Variants in RNF24 observed in about 807,000 individuals in gnomAD.
RNF24 encodes the protein ring finger protein 24.
Under a neutral mutation model 20.0 loss-of-function variants are expected in RNF24, and 14 were observed. The observed-to-expected ratio is 0.70, with a 90% CI of 0.46 to 1.10. The LOEUF (loss-of-function observed/expected upper bound fraction) is 1.10. Among genes scored for constraint, RNF24 ranks in the 50% least tolerant of loss-of-function variants. The probability of loss-of-function intolerance (pLI) is 0.00; values close to 1 mark genes in which losing one functional copy is unlikely to be tolerated. For synonymous variants in RNF24, 45 were observed against 61.1 expected (o/e 0.74, Z 1.23); for missense variants, 124 against 177.6 (o/e 0.70, Z 1.71).
chr20:3,953,716 G>T (rs241647), intron 2 of RNF24, among the ~76,000 whole-genome samples: 46,745 of 149,390 alleles, frequency 0.31, 7,955 homozygotes, highest in African/African-American at 0.46. Context: ...TCTCTTTTTC[G>T]TATTAGATAT....
intron 4 of RNF24, among the ~76,000 whole-genome samples, chr20:3,938,089 T>C (rs1214027354): frequency 6.6e-6 from 1 of 152,238 alleles, no homozygotes; most frequent in Non-Finnish European, 1.5e-5. Flanking sequence ...TACGTATGGG[T>C]TGTAATTTCT....
At chr20:3,955,485 G>C (rs1000564674) in intron 2 of RNF24, among the ~76,000 whole-genome samples, 2 of 152,100 alleles carry the variant, frequency 1.3e-5, no homozygotes, top group Non-Finnish European at 2.9e-5. Context: ...TATTTTATTG[G>C]TTTATATGTC....
chr20:3,991,484 C>T lies in RNF24; in HGVS notation c.-8+23953G>A, dbSNP rs567640350. Among the ~76,000 whole-genome samples the T allele has an allele frequency of 2.9e-3, 445 of 152,228 alleles. 2 individuals are homozygous for T. Among genetic ancestry groups the T allele is most frequent in the Admixed American group, 6.2e-3 (95 of 15,286 alleles). ...AGCCAGGATGGTCTCGATCTCCTAA[C>T]CTCATGATCCGCCTGCCTAAGTCTC... On this transcript the variant is annotated intron_variant, in intron 1 of 5. Transcript: ENST00000358395.
At chr20:4,003,548 CCT>C (rs1261096439) in intron 1 of RNF24, among the ~76,000 whole-genome samples, 15 of 151,488 alleles carry the variant, frequency 9.9e-5, no homozygotes, top group African/African-American at 3.6e-4. Context: ...GTTATGGAAC[CCT>C]CTGAAAATCT....
chr20:3,972,510 C>A (rs983416726), intron 1 of RNF24, among the ~76,000 whole-genome samples: 1 of 152,086 alleles, frequency 6.6e-6, no homozygotes, highest in African/African-American at 2.4e-5. Flanking sequence ...AAGAAAATAT[C>A]CAAACACTTA....
intron 2 of RNF24, among the ~76,000 whole-genome samples, chr20:3,957,264 C>T (rs1027322739): frequency 1.3e-5 from 2 of 151,968 alleles, no homozygotes; most frequent in African/African-American, 2.4e-5. Flanking sequence ...TGCCACTGTA[C>T]TCTAGCCTGG....
At chr20:3,936,535 G>A (rs2090893227) in intron 4 of RNF24, among the ~76,000 whole-genome samples, 1 of 152,194 alleles carries the variant, frequency 6.6e-6, no homozygotes, top group South Asian at 2.1e-4. Context: ...TCTGAAGGGA[G>A]GCTGAGAACA....
At chr20:3,994,123 C>A (rs1404147147) in intron 1 of RNF24, among the ~76,000 whole-genome samples, 1 of 152,150 alleles carries the variant, frequency 6.6e-6, no homozygotes, top group Admixed American at 6.5e-5. Context: ...AATCAATGTT[C>A]ATTTTATTCT....
intron 1 of RNF24, among the ~76,000 whole-genome samples, chr20:3,980,133 G>T (rs1979257848): frequency 6.6e-6 from 1 of 152,134 alleles, no homozygotes; most frequent in Admixed American, 6.5e-5. Context: ...TTCTAGAATA[G>T]ATTTTATAGG....
At position 3,934,211 on chromosome 20, in the gene RNF24, G is replaced by C; in HGVS notation, c.309-10C>G. On this transcript the variant is annotated splice_polypyrimidine_tract_variant and intron_variant, in intron 5 of 5. Transcript: ENST00000358395. This position sits in a 1 kb window ranked among gnomAD's most constrained non-coding sequence, Gnocchi z 4.0. The stretch of plus-strand genomic sequence containing the variant: ...CCACTTAATAAGGCACCTGCAGAAG[G>C]AGACACCACAGGGGGAAGATGTCAG... 6.2e-7 allele frequency: 1 copy of C among 1,604,596 alleles called. No individual in the cohort carries two copies. The highest frequency in any genetic ancestry group is 8.5e-7 in the Non-Finnish European group (1 of 1,175,394).
At chr20:3,975,645 T>G (rs950389332) in intron 1 of RNF24, among the ~76,000 whole-genome samples, 2 of 152,196 alleles carry the variant, frequency 1.3e-5, no homozygotes, top group Non-Finnish European at 2.9e-5. Context: ...AAAATAGGTT[T>G]GTTGAAGATG....
At position 3,928,872 on chromosome 20, in the gene RNF24, A is replaced by G. The variant is rs1053177160; in HGVS notation, c.*5191T>C. ...TTCTTTTCTTGTGTGTTTTTTTGAGACGGAGTCTCGCTCTGTTGCCCAGGC... is the reference window on the plus strand; with the variant it reads ...TTCTTTTCTTGTGTGTTTTTTTGAGGCGGAGTCTCGCTCTGTTGCCCAGGC... On this transcript the variant is annotated 3_prime_UTR_variant, in exon 6 of 6. Transcript: ENST00000358395. 1 of 148,940 alleles carries G rather than the reference A, an allele frequency of 6.7e-6. No individual in the cohort carries two copies. Among genetic ancestry groups the G allele is most frequent in the Non-Finnish European group, 1.5e-5 (1 of 67,370 alleles). The allele number at this position is 148,940 out of a possible 1,614,324, so 9.2% of individuals were successfully genotyped here.
intron 1 of RNF24, among the ~76,000 whole-genome samples, chr20:3,982,660 G>A (rs1457042668): frequency 6.6e-6 from 1 of 152,002 alleles, no homozygotes; most frequent in African/African-American, 2.4e-5. Flanking sequence ...GCCAAGGTGG[G>A]AGGATCCCTT....
chr20:3,934,928 C>G lies in RNF24; in HGVS notation c.308+66G>C. The G allele has an allele frequency of 1.4e-6, 2 of 1,392,808 alleles. No individual in the cohort carries two copies. The highest frequency in any genetic ancestry group is 2.0e-6 in the Non-Finnish European group (2 of 981,146). 86.3% of individuals were successfully genotyped at this position (1,392,808 alleles called of 1,614,324 possible). Reference sequence around the variant, plus strand: ...AGCTTGTCTGGCACTGCCCTAAAACCCAAAAGAAGTTGGTTGATGTGCCTC... The same window carrying G: ...AGCTTGTCTGGCACTGCCCTAAAACGCAAAAGAAGTTGGTTGATGTGCCTC... On this transcript the variant is annotated intron_variant, in intron 5 of 5. Transcript: ENST00000358395. This position sits in a 1 kb window ranked among gnomAD's most constrained non-coding sequence, Gnocchi z 4.0.
chr20:4,007,936 C>T (rs1340566663), intron 1 of RNF24, among the ~76,000 whole-genome samples: 5 of 150,916 alleles, frequency 3.3e-5, no homozygotes, highest in East Asian at 1.9e-4. Flanking sequence ...AACACACCCC[C>T]GCCCCCCACA....
At chr20:3,994,322 G>T (rs960827644) in intron 1 of RNF24, among the ~76,000 whole-genome samples, 1 of 152,160 alleles carries the variant, frequency 6.6e-6, no homozygotes, top group Non-Finnish European at 1.5e-5. Context: ...TGTATCAGTT[G>T]TATTTGTGAC....
Position 3,935,005 on chromosome 20 carries a change from G to T in RNF24, c.297C>A (p.Ala99=), listed in dbSNP as rs2090872898. The T allele has an allele frequency of 6.2e-7, 1 of 1,613,648 alleles. No individual in the cohort carries two copies. The highest frequency in any genetic ancestry group is 8.5e-7 in the Non-Finnish European group (1 of 1,179,744). ...DELGICPCKH[A]FHRKCLIKWL... is the part of the protein sequence containing the mutation. ...ATACCAATACTTACTTTCTGTGGAAGGCGTGCTTACATGGGCAAATCCCCA... is the reference window on the plus strand; with the variant it reads ...ATACCAATACTTACTTTCTGTGGAATGCGTGCTTACATGGGCAAATCCCCA... Residue 99 remains alanine, a synonymous_variant, in exon 5 of 6, where the codon GCC becomes GCA. Coordinates refer to ENST00000358395, the MANE Select transcript of RNF24 (RefSeq NM_001134337.3).
chr20:3,957,925 T>C (rs986694051), intron 2 of RNF24, among the ~76,000 whole-genome samples: 1 of 152,186 alleles, frequency 6.6e-6, no homozygotes. Flanking sequence ...ATTCTCCACA[T>C]TGCTCTCTAA....
intron 2 of RNF24, among the ~76,000 whole-genome samples, chr20:3,961,807 T>C (rs771527751): frequency 3.9e-5 from 6 of 151,998 alleles, no homozygotes; most frequent in South Asian, 2.1e-4. Context: ...AGAGGAATTA[T>C]CAAAAAAAAC....
Sources: gnomAD v4.1 joint callset for allele counts (sites outside exome capture counted in the v4.1 genomes callset) on GRCh38, gnomAD v4.1.1 for gene constraint, Gnocchi (gnomAD v3.1) non-coding constraint, MANE v1.5 for transcripts, NCBI Gene and HGNC (gene_info 2026-07-23, HGNC 2026-07-21) for gene names.